The following NCKAP5 variants were observed in gnomAD, a reference collection of about 807,000 sequenced individuals.
The protein encoded by NCKAP5 is NCK associated protein 5, also known as nck-associated protein 5.
In NCKAP5, 92 loss-of-function variants were observed where a neutral mutation model predicts 167.0. The observed-to-expected ratio is 0.55, with a 90% CI of 0.47 to 0.66. The LOEUF (loss-of-function observed/expected upper bound fraction) is 0.66. Ranked by LOEUF, NCKAP5 falls within the 30% of genes least tolerant of loss-of-function variation. The pLI, the probability that NCKAP5 is intolerant of heterozygous loss-of-function variation, is 0.00. For synonymous variants in NCKAP5, 891 were observed against 877.4 expected (o/e 1.02, Z -0.27); for missense variants, 2,378 against 2,315.0 (o/e 1.03, Z -0.56).
intron 19 of NCKAP5, 48 bp from the exon 20 acceptor site, chr2:132,673,353 CAA>C: frequency 7.5e-7 from 1 of 1,340,308 alleles, no homozygotes; most frequent in Non-Finnish European, 1.0e-6. Context: ...TTTGGAAAAT[CAA>C]GTTATCCTAT....
intron 6 of NCKAP5, among the ~76,000 whole-genome samples, chr2:133,092,354 T>C (rs1574004584): frequency 1.3e-5 from 2 of 152,256 alleles, no homozygotes; most frequent in East Asian, 3.9e-4. Flanking sequence ...AGCTACAAGC[T>C]AAGGATTGCC....
At chr2:132,773,783 C>A in intron 16 of NCKAP5, 33 bp downstream of exon 16, 1 of 1,511,236 alleles carries the variant, frequency 6.6e-7, no homozygotes, top group East Asian at 2.3e-5. Context: ...GAATAAGTCT[C>A]CATAAAAGAC....
intron 11 of NCKAP5, among the ~76,000 whole-genome samples, chr2:132,816,871 A>G (rs1332100070): frequency 1.3e-5 from 2 of 152,178 alleles, no homozygotes; most frequent in African/African-American, 4.8e-5. Flanking sequence ...CCAGGAACTG[A>G]CAGTTTCCTT....
chr2:133,430,627 G>A (rs1690098352), intron 3 of NCKAP5, among the ~76,000 whole-genome samples: 1 of 152,010 alleles, frequency 6.6e-6, no homozygotes, highest in South Asian at 2.1e-4. Context: ...TATTGAATAG[G>A]GAGTCCTTTC....
chr2:132,932,177 C>T (rs1246973527), intron 8 of NCKAP5, among the ~76,000 whole-genome samples: 1 of 152,154 alleles, frequency 6.6e-6, no homozygotes, highest in East Asian at 1.9e-4. Context: ...TTATATGCCA[C>T]AGCTTTATTT....
chr2:132,760,245 T>C (rs1015810219), intron 16 of NCKAP5, among the ~76,000 whole-genome samples: 2 of 152,166 alleles, frequency 1.3e-5, no homozygotes, highest in Non-Finnish European at 2.9e-5. Context: ...TTCTCCTGTC[T>C]GATGTAAACT....
rs376159480 is a variant in NCKAP5, at chr2:133,295,445, C to T, written c.143+7592G>A. On this transcript the variant is annotated intron_variant, in intron 4 of 19. Transcript: ENST00000409261. Reference sequence around the variant, plus strand: ...TACAATTAAAACAAAATGTTTAAGACTTGGTTTTACCTAAAATTTTAAAAA... The same window carrying T: ...TACAATTAAAACAAAATGTTTAAGATTTGGTTTTACCTAAAATTTTAAAAA... 2.2e-4 allele frequency among the ~76,000 whole-genome samples: 33 copies of T among 152,220 alleles called. No individual in the cohort carries two copies. In the East Asian group the frequency reaches 6.4e-3, roughly 29 times the overall value.
intron 11 of NCKAP5, among the ~76,000 whole-genome samples, chr2:132,825,241 C>T (rs754145194): frequency 1.3e-5 from 2 of 152,136 alleles, no homozygotes; most frequent in Non-Finnish European, 2.9e-5. Flanking sequence ...AGGTGAGTGG[C>T]TAATGAAACA....
At chr2:133,238,174 A>G (rs971613162) in intron 4 of NCKAP5, among the ~76,000 whole-genome samples, 2 of 152,200 alleles carry the variant, frequency 1.3e-5, no homozygotes, top group Admixed American at 1.3e-4. Context: ...ATATGAGCAC[A>G]CCTATTTTAT....
chr2:133,102,942 G>A (rs2081565815), intron 6 of NCKAP5, among the ~76,000 whole-genome samples: 1 of 152,118 alleles, frequency 6.6e-6, no homozygotes, highest in Non-Finnish European at 1.5e-5. Flanking sequence ...CCCTCTTTGA[G>A]CCTCAACCTC....
the NCKAP5 span, among the ~76,000 whole-genome samples, chr2:133,586,823 T>G: frequency 7.4e-6 from 1 of 135,564 alleles, no homozygotes; most frequent in African/African-American, 2.8e-5. Flanking sequence ...GTAGCGTGAG[T>G]GAGGAATAGG....
intron 6 of NCKAP5, among the ~76,000 whole-genome samples, chr2:133,063,673 C>T (rs2080088012): frequency 6.6e-6 from 1 of 152,146 alleles, no homozygotes; most frequent in Admixed American, 6.5e-5. Context: ...TTTTAACTCA[C>T]ATTTGCCCTT....
chr2:133,545,892 G>A (rs1180179639), intron 2 of NCKAP5, among the ~76,000 whole-genome samples: 2 of 152,066 alleles, frequency 1.3e-5, no homozygotes, highest in African/African-American at 4.8e-5. Flanking sequence ...GGAAAATACT[G>A]TTGTTTTTGT....
intron 11 of NCKAP5, among the ~76,000 whole-genome samples, chr2:132,811,000 T>C (rs1685820907): frequency 6.6e-6 from 1 of 152,198 alleles, no homozygotes; most frequent in Non-Finnish European, 1.5e-5. Flanking sequence ...TTCCTATGGA[T>C]GTGGCTTCCT....
chr2:132,687,768 A>G (rs924827541), intron 19 of NCKAP5, among the ~76,000 whole-genome samples: 10 of 142,882 alleles, frequency 7.0e-5, no homozygotes, highest in Admixed American at 6.9e-4. Flanking sequence ...CTTCCTCTGA[A>G]GCTTTCCAGG....
intron 12 of NCKAP5, among the ~76,000 whole-genome samples, chr2:132,792,572 G>A (rs1330309170): frequency 6.6e-6 from 1 of 152,140 alleles, no homozygotes; most frequent in East Asian, 1.9e-4. Context: ...TACGCAGTGT[G>A]GTGGTTGTTA....
At chr2:133,663,861 G>A in the NCKAP5 span, among the ~76,000 whole-genome samples, 7 of 152,084 alleles carry the variant, frequency 4.6e-5, no homozygotes, top group East Asian at 1.4e-3. Flanking sequence ...CTCCTCCCAC[G>A]AATCACAAAA....
At chr2:133,585,100 T>C in the NCKAP5 span, among the ~76,000 whole-genome samples, 4 of 152,288 alleles carry the variant, frequency 2.6e-5, no homozygotes, top group African/African-American at 9.6e-5. Flanking sequence ...CATTTCACTA[T>C]GTATATCAAA....
At position 133,440,642 on chromosome 2, in the gene NCKAP5, G is replaced by A. The variant is rs934569359; in HGVS notation, c.69+76816C>T. On this transcript the variant is annotated intron_variant, in intron 3 of 19. Transcript: ENST00000409261. ...GGGGAATGGTGTGAACCCAGGAGGCGGAGCTTGCAGTGAGCAGAGATGGCG... is the reference window on the plus strand; with the variant it reads ...GGGGAATGGTGTGAACCCAGGAGGCAGAGCTTGCAGTGAGCAGAGATGGCG... 6.7e-5 allele frequency among the ~76,000 whole-genome samples: 10 copies of A among 149,580 alleles called. No individual in the cohort carries two copies. The South Asian group carries it at 8.6e-4, about 13-fold the overall frequency.
Sources: allele counts gnomAD v4.1 joint callset (sites outside exome capture counted in the v4.1 genomes callset), GRCh38; gene constraint gnomAD v4.1.1; transcripts MANE v1.5; gene names NCBI Gene and HGNC (gene_info 2026-07-23, HGNC 2026-07-21).